Variants in IQCH observed in about 807,000 individuals in gnomAD.
IQCH encodes IQ domain-containing protein H.
IQCH carries 98 observed loss-of-function variants against 117.0 expected under a neutral mutation model. The observed-to-expected ratio is 0.84, with a 90% confidence interval of 0.71 to 0.99. IQCH has a LOEUF of 0.99. Ranked by LOEUF, IQCH falls within the 50% of genes least tolerant of loss-of-function variation. The pLI, the probability that IQCH is intolerant of heterozygous loss-of-function variation, is 0.00. For missense variants in IQCH, 1,102 were observed against 1,243.8 expected (o/e 0.89, Z 1.72); for synonymous variants, 412 against 448.2 (o/e 0.92, Z 1.02).
In IQCH at chr15:67,356,949, C is replaced by G. The variant is rs2140734160; in HGVS notation, c.638-396C>G. ...CTTTTTTTTTACACAATAGAATAGT[C>G]CATATGTAGCTATGTTAAATCACAT... On this transcript the variant is annotated intron_variant, in intron 6 of 20. Transcript: ENST00000335894. The surrounding 1 kb of genome is among the most constrained non-coding windows in gnomAD (Gnocchi z 5.3). 6.6e-6 allele frequency among the ~76,000 whole-genome samples: 1 copy of G among 152,156 alleles called. No homozygotes were observed. Among genetic ancestry groups the G allele is most frequent in the East Asian group, 1.9e-4 (1 of 5,190 alleles).
intron 16 of IQCH, among the ~76,000 whole-genome samples, chr15:67,438,932 A>C (rs1482620673): frequency 1.3e-5 from 2 of 152,234 alleles, no homozygotes; most frequent in Admixed American, 6.5e-5. Flanking sequence ...CCAAAGAAAT[A>C]AGATAGACAG....
chr15:67,404,060 G>A lies in IQCH; in HGVS notation c.2097+3755G>A, dbSNP rs1378196861. ...CTCTTGAATGCTTCTAGTAAACATT[G>A]CTATTTTAGCCCTTTGCAAGAGCAG... is the stretch of plus-strand genomic sequence containing the variant. On this transcript the variant is annotated intron_variant, in intron 14 of 20. Coordinates refer to ENST00000335894, the MANE Select transcript of IQCH (RefSeq NM_001031715.3). The surrounding 1 kb of genome is among the most constrained non-coding windows in gnomAD (Gnocchi z 4.6). 6.6e-6 allele frequency: 1 copy of A among 152,120 alleles called. No individual in the cohort carries two copies. The highest frequency in any genetic ancestry group is 2.4e-5 in the African/African-American group (1 of 41,416). The allele number at this position is 152,120 out of a possible 1,614,324, so 9.4% of individuals were successfully genotyped here.
intron 4 of IQCH, chr15:67,281,780 G>A (rs1966369832): frequency 6.6e-6 from 3 of 454,474 alleles, no homozygotes; most frequent in Non-Finnish European, 1.3e-5. Flanking sequence ...CATATTTTGG[G>A]GTAAAATATT....
intron 18 of IQCH, among the ~76,000 whole-genome samples, chr15:67,484,440 A>C (rs1191749497): frequency 2.6e-5 from 4 of 151,330 alleles, no homozygotes; most frequent in Non-Finnish European, 5.9e-5. Context: ...AAAATAAAAT[A>C]AAATCAGGGG....
chr15:67,435,218 G>T (rs1433430632), intron 16 of IQCH, among the ~76,000 whole-genome samples: 2 of 151,820 alleles, frequency 1.3e-5, no homozygotes, highest in Admixed American at 6.6e-5. Flanking sequence ...CTGTGGGTTT[G>T]ATTTGCATTT....
At chr15:67,279,613 C>T in intron 4 of IQCH, 101 bp downstream of exon 4, 2 of 604,220 alleles carry the variant, frequency 3.3e-6, no homozygotes, top group Non-Finnish European at 5.9e-6. Context: ...TATGAAGTTT[C>T]TTTGGGGGAC....
chr15:67,448,682 CAT>C (rs1237897378), intron 16 of IQCH, among the ~76,000 whole-genome samples: 1 of 152,108 alleles, frequency 6.6e-6, no homozygotes, highest in South Asian at 2.1e-4. Context: ...CCGCAATAAA[CAT>C]ATGTGTGCAT....
rs1971029405 is a variant in IQCH, at chr15:67,384,084, G to T, written c.1373-852G>T. Among the ~76,000 whole-genome samples, 1 of 152,046 alleles carries T rather than the reference G, an allele frequency of 6.6e-6. No homozygotes were observed. ...GTTTGGGCTCACTAACCACAAGGAG[G>T]CATTGAAGCATCTCTTCAAAATGTG... On this transcript the variant is annotated intron_variant, in intron 10 of 20. Transcript: ENST00000335894. This position sits in a 1 kb window ranked among gnomAD's most constrained non-coding sequence, Gnocchi z 4.3.
intron 10 of IQCH, among the ~76,000 whole-genome samples, chr15:67,383,690 G>A (rs1406774456): frequency 6.6e-6 from 1 of 152,148 alleles, no homozygotes; most frequent in Admixed American, 6.5e-5. Flanking sequence ...AAAGACATTG[G>A]AGTTGTAACT....
chr15:67,375,242 A>C (rs1356332804), intron 10 of IQCH, among the ~76,000 whole-genome samples: 2 of 152,174 alleles, frequency 1.3e-5, no homozygotes, highest in Non-Finnish European at 2.9e-5. Flanking sequence ...TAGGCTGAAC[A>C]ACATAGTGAG....
chr15:67,256,571 C>T (rs2140419591), intron 1 of IQCH, among the ~76,000 whole-genome samples: 1 of 152,312 alleles, frequency 6.6e-6, no homozygotes, highest in Middle Eastern at 3.4e-3. Flanking sequence ...TAGAGATCAC[C>T]TCCCAGTAGC....
At chr15:67,353,746 A>G (rs1398325920) in intron 6 of IQCH, among the ~76,000 whole-genome samples, 6 of 152,188 alleles carry the variant, frequency 3.9e-5, no homozygotes, top group Admixed American at 6.5e-5. Flanking sequence ...CGTAAACACT[A>G]CTAAAATGAA....
chr15:67,412,728 A>ATGTG, intron 14 of IQCH, among the ~76,000 whole-genome samples: 1 of 152,126 alleles, frequency 6.6e-6, no homozygotes, highest in Non-Finnish European at 1.5e-5. Context: ...GATAAAGAAG[A>ATGTG]TGTGCCCCTG....
rs76156832 is a variant in IQCH, at chr15:67,412,196, T to A, written c.2098-4735T>A. 7.1e-3 allele frequency among the ~76,000 whole-genome samples: 1,079 copies of A among 152,326 alleles called. 16 individuals carry two copies. Among genetic ancestry groups the A allele is most frequent in the African/African-American group, 0.025 (1,023 of 41,580 alleles). On this transcript the variant is annotated intron_variant, in intron 14 of 20. Transcript: ENST00000335894. ...ATTCTGACTTTTTTCAAAAGTCAAG[T>A]GTATTTTTTCTAGCACTTGTTTATT...
At chr15:67,357,923 A>G (rs1206183914) in intron 7 of IQCH, among the ~76,000 whole-genome samples, 2 of 152,018 alleles carry the variant, frequency 1.3e-5, no homozygotes, top group Non-Finnish European at 2.9e-5. Flanking sequence ...GCAGTGCACT[A>G]TGTCGACTCA....
chr15:67,313,156 A>G (rs1449842204), intron 4 of IQCH, among the ~76,000 whole-genome samples: 1 of 152,180 alleles, frequency 6.6e-6, no homozygotes, highest in African/African-American at 2.4e-5. Context: ...TTAAAAGATT[A>G]TATAATCTTC....
intron 8 of IQCH, among the ~76,000 whole-genome samples, chr15:67,360,558 A>C (rs575315478): frequency 5.3e-5 from 8 of 152,344 alleles, no homozygotes; most frequent in African/African-American, 1.9e-4. Flanking sequence ...AATGAGGATA[A>C]AGCTTCCTTC....
rs2081608799 is a variant in IQCH, at chr15:67,417,602, G to A, written c.2218+551G>A. Among the ~76,000 whole-genome samples the A allele has an allele frequency of 6.6e-6, 1 of 152,168 alleles. No individual in the cohort carries two copies. The highest frequency in any genetic ancestry group is 1.5e-5 in the Non-Finnish European group (1 of 68,026). ...TTTCTACAATCCAGGAACAAAGCGAGCCTCCATTCCTTTCATCCTCCTCCT... is the reference window on the plus strand; with the variant it reads ...TTTCTACAATCCAGGAACAAAGCGAACCTCCATTCCTTTCATCCTCCTCCT... On this transcript the variant is annotated intron_variant, in intron 15 of 20. Coordinates refer to ENST00000335894, the MANE Select transcript of IQCH (RefSeq NM_001031715.3). This position sits in a 1 kb window ranked among gnomAD's most constrained non-coding sequence, Gnocchi z 4.3.
intron 4 of IQCH, among the ~76,000 whole-genome samples, chr15:67,299,809 A>G (rs1012486491): frequency 6.6e-6 from 1 of 152,060 alleles, no homozygotes; most frequent in Non-Finnish European, 1.5e-5. Flanking sequence ...ATATTTTACA[A>G]TGGTGCTGTA....
Sources: gnomAD v4.1 joint callset for allele counts (sites outside exome capture counted in the v4.1 genomes callset) on GRCh38, gnomAD v4.1.1 for gene constraint, Gnocchi (gnomAD v3.1) non-coding constraint, MANE v1.5 for transcripts, NCBI Gene and HGNC (gene_info 2026-07-23, HGNC 2026-07-21) for gene names.